The following NELL2 variants were observed in gnomAD, a reference collection of about 807,000 sequenced individuals.
NELL2 encodes protein kinase C-binding protein NELL2.
A neutral mutation model predicts 109.6 loss-of-function variants in NELL2; 41 were observed. The ratio of observed to expected loss-of-function variants is 0.37; its 90% CI spans 0.29 to 0.49. The LOEUF is 0.49. Among genes scored for constraint, NELL2 ranks in the 20% least tolerant of loss-of-function variants. The pLI is 0.98. For synonymous variants in NELL2, 355 were observed against 344.7 expected (o/e 1.03, Z -0.33); for missense variants, 900 against 1,008.3 (o/e 0.89, Z 1.45).
intron 1 of NELL2, among the ~76,000 whole-genome samples, chr12:44,882,417 T>C (rs1945423142): frequency 6.7e-6 from 1 of 149,650 alleles, no homozygotes; most frequent in Admixed American, 6.7e-5. Context: ...TGTATATATG[T>C]TGAAAGTATA....
At chr12:44,892,185 G>T (rs1945541791) in intron 1 of NELL2, among the ~76,000 whole-genome samples, 1 of 152,138 alleles carries the variant, frequency 6.6e-6, no homozygotes, top group Admixed American at 6.5e-5. Context: ...ATTATGTGAA[G>T]ATCAATATAT....
At chr12:44,810,480 C>G (rs906139721) in intron 3 of NELL2, among the ~76,000 whole-genome samples, 2 of 152,068 alleles carry the variant, frequency 1.3e-5, no homozygotes, top group East Asian at 3.9e-4. Context: ...TTCATCTGCC[C>G]ATTTGTATTG....
At chr12:44,884,739 A>T (rs571440702) in intron 1 of NELL2, among the ~76,000 whole-genome samples, 29 of 152,080 alleles carry the variant, frequency 1.9e-4, no homozygotes, top group African/African-American at 7.0e-4. Flanking sequence ...TTGATAAAAT[A>T]TTTTAAAATC....
intron 13 of NELL2, among the ~76,000 whole-genome samples, chr12:44,651,220 C>T (rs186843834): frequency 1.2e-3 from 177 of 152,324 alleles, no homozygotes; most frequent in African/African-American, 3.7e-3. Flanking sequence ...AAACCAGTCC[C>T]TGGTGCCAAA....
chr12:44,832,316 G>A (rs765327477), intron 2 of NELL2, among the ~76,000 whole-genome samples: 1 of 152,074 alleles, frequency 6.6e-6, no homozygotes, highest in Non-Finnish European at 1.5e-5. Context: ...TGTGATAAGA[G>A]GCTTAGTTAA....
intron 16 of NELL2, among the ~76,000 whole-genome samples, chr12:44,531,074 T>C (rs1361549789): frequency 6.6e-6 from 1 of 152,210 alleles, no homozygotes; most frequent in Non-Finnish European, 1.5e-5. Flanking sequence ...GAGGTATGTG[T>C]ATTTTTCTAC....
intron 16 of NELL2, 67 bp from the exon 17 acceptor site, chr12:44,523,551 G>C (rs1449291568): frequency 7.2e-7 from 1 of 1,380,076 alleles, no homozygotes; most frequent in Non-Finnish European, 1.0e-6. Context: ...ACTGCAATCA[G>C]GCCAGTTGTC....
rs568354310 is a variant in NELL2 at position 44,632,627 on chromosome 12, G to A, written c.1445-21657C>T. On this transcript the variant is annotated intron_variant, in intron 13 of 19. Transcript: ENST00000429094. ...TAAAATATTATCACCACCTCCCTTC[G>A]GAAGCCAAAAAAAATCAGATTAATT... 2.4e-4 allele frequency among the ~76,000 whole-genome samples: 37 copies of A among 151,468 alleles called. No homozygotes were observed. In the East Asian group the frequency reaches 6.4e-3, roughly 26 times the overall value.
At chr12:44,627,934 C>A (rs1378380947) in intron 13 of NELL2, among the ~76,000 whole-genome samples, 1 of 152,126 alleles carries the variant, frequency 6.6e-6, no homozygotes, top group Admixed American at 6.6e-5. Context: ...GAAACCACAC[C>A]AGAAGGCTGA....
chr12:44,761,688 T>C (rs1353576241), intron 9 of NELL2, among the ~76,000 whole-genome samples: 2 of 152,200 alleles, frequency 1.3e-5, no homozygotes, highest in African/African-American at 4.8e-5. Flanking sequence ...CATGGAATAC[T>C]ACACAACTGT....
At chr12:44,683,537 T>C (rs1380118789) in intron 12 of NELL2, among the ~76,000 whole-genome samples, 13 of 152,114 alleles carry the variant, frequency 8.5e-5, no homozygotes. Context: ...GCCCATTCAG[T>C]ATGATATTGG....
intron 2 of NELL2, among the ~76,000 whole-genome samples, chr12:44,854,316 A>G (rs1024378181): frequency 6.6e-6 from 1 of 152,178 alleles, no homozygotes; most frequent in African/African-American, 2.4e-5. Context: ...ATATTTATAA[A>G]ACAGATACAC....
intron 13 of NELL2, among the ~76,000 whole-genome samples, chr12:44,638,328 T>C (rs959607247): frequency 6.6e-6 from 1 of 152,134 alleles, no homozygotes; most frequent in Non-Finnish European, 1.5e-5. Flanking sequence ...AAATGTCTCA[T>C]ATCATAGATA....
At chr12:44,579,414 C>T (rs183039625) in intron 15 of NELL2, among the ~76,000 whole-genome samples, 27 of 152,246 alleles carry the variant, frequency 1.8e-4, no homozygotes, top group Non-Finnish European at 3.1e-4. Context: ...ATATAGATAA[C>T]GATTTTGTTC....
intron 12 of NELL2, among the ~76,000 whole-genome samples, chr12:44,685,422 T>C (rs1948680826): frequency 6.6e-6 from 1 of 152,180 alleles, no homozygotes. Flanking sequence ...ACATTTAAAG[T>C]TAATATTGTT....
chr12:44,866,496 T>A (rs1328596942), intron 2 of NELL2, among the ~76,000 whole-genome samples: 3 of 152,120 alleles, frequency 2.0e-5, no homozygotes, highest in Non-Finnish European at 4.4e-5. Context: ...CAGAGGTAAG[T>A]TTATAGCAAC....
intron 15 of NELL2, among the ~76,000 whole-genome samples, chr12:44,566,566 C>CACACACACACACAGAGAGAG (rs377368706): frequency 2.2e-5 from 3 of 138,422 alleles, no homozygotes; most frequent in African/African-American, 7.8e-5. Flanking sequence ...CACACACACA[C>CACACACACACACAGAGAGAG]AGAGTTTTAT....
intron 2 of NELL2, chr12:44,851,803 C>T (rs746737551): frequency 2.0e-5 from 3 of 152,190 alleles, no homozygotes; most frequent in African/African-American, 4.8e-5. Context: ...ACCAGCGAGA[C>T]CAAGTTCCAG....
chr12:44,736,157 C>T (rs905861075), intron 9 of NELL2, among the ~76,000 whole-genome samples: 12 of 151,562 alleles, frequency 7.9e-5, no homozygotes, highest in East Asian at 1.9e-4. Flanking sequence ...ACTACAGGCG[C>T]GCGCCACCAT....
Sources: allele counts gnomAD v4.1 joint callset (sites outside exome capture counted in the v4.1 genomes callset), GRCh38; gene constraint gnomAD v4.1.1; transcripts MANE v1.5; gene names NCBI Gene and HGNC (gene_info 2026-07-23, HGNC 2026-07-21).